Variants in FBXO33 observed in about 807,000 individuals in gnomAD.
FBXO33 encodes F-box protein 33.
A neutral mutation model predicts 46.3 loss-of-function variants in FBXO33; 22 were observed. That is an observed-to-expected ratio of 0.48 (90% CI 0.34 to 0.68). The LOEUF is 0.68. Ranked by LOEUF, FBXO33 falls within the 30% of genes least tolerant of loss-of-function variation. FBXO33 has a pLI of 0.01. For missense variants in FBXO33, 692 were observed against 708.8 expected (o/e 0.98, Z 0.27); for synonymous variants, 337 against 291.3 (o/e 1.16, Z -1.60).
At chr14:39,409,122 T>C (rs1485273372) in intron 1 of FBXO33, among the ~76,000 whole-genome samples, 3 of 152,154 alleles carry the variant, frequency 2.0e-5, no homozygotes, top group Admixed American at 6.6e-5. Context: ...TTTGGTTCTG[T>C]TGCCTTTGTT....
intron 1 of FBXO33, among the ~76,000 whole-genome samples, chr14:39,412,564 A>G (rs2075428481): frequency 6.6e-6 from 1 of 152,214 alleles, no homozygotes; most frequent in Non-Finnish European, 1.5e-5. Flanking sequence ...AATAATAGGT[A>G]AAGACTTACT....
Position 39,431,732 on chromosome 14 carries a change from G to A in FBXO33, c.431C>T (p.Ala144Val), listed in dbSNP as rs767155759. 1 of 1,613,204 alleles carries A rather than the reference G, an allele frequency of 6.2e-7. No homozygotes were observed. Among genetic ancestry groups the A allele is most frequent in the Non-Finnish European group, 8.5e-7 (1 of 1,179,986 alleles). Residue 144 changes from alanine to valine, a missense_variant, in exon 1 of 4, where the codon GCC becomes GTC. Ala to Val is a moderately conservative substitution (Grantham distance 64, BLOSUM62 0). Around this residue, in one of 3 missense-constraint regions of FBXO33, gnomAD observed 412 missense variants for 370.8 expected, o/e 1.11. Coordinates refer to ENST00000298097, the MANE Select transcript of FBXO33 (RefSeq NM_203301.4). Reference protein sequence around the residue: ...WFVRELRVEFAAENYLSGGGP... With the variant: ...WFVRELRVEFVAENYLSGGGP... Reference sequence around the variant, plus strand: ...ACCGCCGCTCAGATAGTTCTCGGCGGCGAATTCAACACGCAGCTCTCGCAC... The same window carrying A: ...ACCGCCGCTCAGATAGTTCTCGGCGACGAATTCAACACGCAGCTCTCGCAC...
At chr14:39,407,737 G>C (rs544187278) in intron 1 of FBXO33, among the ~76,000 whole-genome samples, 56 of 152,262 alleles carry the variant, frequency 3.7e-4, no homozygotes, top group African/African-American at 1.3e-3. Context: ...TGGCTAATGT[G>C]AATAATGGTG....
intron 1 of FBXO33, among the ~76,000 whole-genome samples, chr14:39,424,807 C>T (rs1401254981): frequency 1.3e-5 from 2 of 152,238 alleles, no homozygotes; most frequent in East Asian, 1.9e-4. Context: ...GTAATCCCAG[C>T]GCTTTGGGAG....
At chr14:39,405,185 T>G (rs1425872707) in intron 1 of FBXO33, among the ~76,000 whole-genome samples, 1 of 151,360 alleles carries the variant, frequency 6.6e-6, no homozygotes, top group African/African-American at 2.4e-5. Context: ...AAAATGTTAC[T>G]GTGGCATTAG....
chr14:39,406,745 T>C (rs12897960), intron 1 of FBXO33, among the ~76,000 whole-genome samples: 53,881 of 152,006 alleles, frequency 0.35, 11,037 homozygotes, highest in African/African-American at 0.56. Context: ...GTACATGTGT[T>C]GGGCAAAACT....
intron 1 of FBXO33, among the ~76,000 whole-genome samples, chr14:39,409,344 T>TTA (rs570369201): frequency 4.9e-4 from 75 of 152,320 alleles, no homozygotes; most frequent in African/African-American, 1.8e-3. Context: ...GAAGAGACTA[T>TTA]CCTTTCCCCA....
chr14:39,432,267 G>A lies in FBXO33; in HGVS notation c.-105C>T. 1.0e-6 allele frequency: 1 copy of A among 973,208 alleles called. No individual in the cohort carries two copies. Among genetic ancestry groups the A allele is most frequent in the Non-Finnish European group, 1.3e-6 (1 of 771,674 alleles). 60.3% of individuals were successfully genotyped at this position (973,208 alleles called of 1,614,324 possible). ...AGGCCTCTGCGGGCGTGGCCTGCCG[G>A]GAGCCAGCCTCTGTCTTCTCAAACT... On this transcript the variant is annotated 5_prime_UTR_variant, in exon 1 of 4. Coordinates refer to ENST00000298097, the MANE Select transcript of FBXO33 (RefSeq NM_203301.4).
intron 1 of FBXO33, among the ~76,000 whole-genome samples, chr14:39,425,160 T>C: frequency 6.6e-6 from 1 of 152,250 alleles, no homozygotes; most frequent in East Asian, 1.9e-4. Flanking sequence ...TATTGTCTTA[T>C]TATTCTTCTC....
At chr14:39,405,495 T>TGG (rs55908351) in intron 1 of FBXO33, among the ~76,000 whole-genome samples, 20 of 151,824 alleles carry the variant, frequency 1.3e-4, no homozygotes, top group South Asian at 8.3e-4. Context: ...GGGAATTTTT[T>TGG]GGGGGGGTGT....
chr14:39,426,038 C>A (rs1003162243), intron 1 of FBXO33, among the ~76,000 whole-genome samples: 20 of 152,158 alleles, frequency 1.3e-4, no homozygotes, highest in African/African-American at 4.3e-4. Context: ...GAATAACTAC[C>A]ATCCCCAAAT....
intron 1 of FBXO33, among the ~76,000 whole-genome samples, chr14:39,417,920 G>A (rs1478592949): frequency 1.3e-5 from 2 of 152,064 alleles, no homozygotes; most frequent in Admixed American, 6.5e-5. Context: ...TTTTGAGTAT[G>A]TGAAAAAATA....
In FBXO33 at chr14:39,404,770, G is replaced by GT. The variant is rs375037084; in HGVS notation, c.600-2260dup. Reference sequence around the variant, plus strand: ...ATCCAGAGTGACTGGAGTACAGAGAGTAAGTGAACATGAAATGATGACGTA... The same window carrying GT: ...ATCCAGAGTGACTGGAGTACAGAGAGTTAAGTGAACATGAAATGATGACGTA... On this transcript the variant is annotated intron_variant, in intron 1 of 3. Transcript: ENST00000298097. Among the ~76,000 whole-genome samples the GT allele has an allele frequency of 8.8e-4, 134 of 152,310 alleles. 1 individual carries two copies. The highest frequency in any genetic ancestry group is 3.0e-3 in the African/African-American group (125 of 41,558).
intron 1 of FBXO33, among the ~76,000 whole-genome samples, chr14:39,408,724 G>C (rs1250112334): frequency 6.6e-6 from 1 of 151,090 alleles, no homozygotes; most frequent in African/African-American, 2.4e-5. Flanking sequence ...GGCCAGGCTG[G>C]TCTTGAACTC....
At chr14:39,401,909 A>C (rs976426889) in intron 2 of FBXO33, 48 bp from the exon 3 acceptor site, 11 of 1,444,788 alleles carry the variant, frequency 7.6e-6, no homozygotes, top group Non-Finnish European at 1.0e-5. Flanking sequence ...ATTTAGTTCT[A>C]ATCTTTTAAC....
At chr14:39,400,032 G>T (rs1293453038) in intron 3 of FBXO33, among the ~76,000 whole-genome samples, 1 of 152,110 alleles carries the variant, frequency 6.6e-6, no homozygotes, top group African/African-American at 2.4e-5. Context: ...ATTGGCAGGT[G>T]ATCTAATCCT....
At chr14:39,421,025 G>A (rs886597884) in intron 1 of FBXO33, among the ~76,000 whole-genome samples, 5 of 152,166 alleles carry the variant, frequency 3.3e-5, no homozygotes, top group African/African-American at 4.8e-5. Flanking sequence ...CTGAAGCATG[G>A]CACTATGAAC....
At position 39,417,672 on chromosome 14, in the gene FBXO33, A is replaced by G. The variant is rs1595986152; in HGVS notation, c.599+13892T>C. 2.0e-5 allele frequency among the ~76,000 whole-genome samples: 3 copies of G among 152,224 alleles called. No homozygotes were observed. The East Asian group carries it at 5.8e-4, about 29-fold the overall frequency. ...CAGCCTCCCAAGTAGCTGGGACCACAGGCATGCACCACCATGCCCAGCTAA... is the reference window on the plus strand; with the variant it reads ...CAGCCTCCCAAGTAGCTGGGACCACGGGCATGCACCACCATGCCCAGCTAA... On this transcript the variant is annotated intron_variant, in intron 1 of 3. Transcript: ENST00000298097.
chr14:39,399,762 G>A lies in FBXO33; in HGVS notation c.1422C>T (p.Leu474=), dbSNP rs1338671892. 1.2e-6 allele frequency: 2 copies of A among 1,606,994 alleles called. No individual in the cohort carries two copies. Among genetic ancestry groups the A allele is most frequent in the Admixed American group, 1.7e-5 (1 of 59,812 alleles). The change falls in exon 4 of 4, where the codon CTC becomes CTT. Residue 474 remains leucine, a synonymous_variant. Transcript: ENST00000298097. ...AGCCCCGAAGACGAGCAATGGCAAT[G>A]AGGTTGTGTGCCCACACCGTGTAAC... ...IHGYTVWAHN[L]IAIARLRGSD... is the part of the protein sequence containing the mutation.
Sources: gnomAD v4.1 joint callset for allele counts (sites outside exome capture counted in the v4.1 genomes callset) on GRCh38, gnomAD v4.1.1 for gene constraint, gnomAD v4.1.1 regional missense constraint, MANE v1.5 for transcripts, NCBI Gene and HGNC (gene_info 2026-07-23, HGNC 2026-07-21) for gene names.